Variants in TM4SF18 observed in about 807,000 individuals in gnomAD.
TM4SF18 encodes transmembrane 4 L six family member 18, also known as transmembrane 4 L6 family member 18.
TM4SF18 carries 22 observed loss-of-function variants against 23.8 expected under a neutral mutation model. The ratio of observed to expected loss-of-function variants is 0.92; its 90% CI spans 0.66 to 1.32. The LOEUF (loss-of-function observed/expected upper bound fraction) is 1.32, where lower values mean the gene tolerates loss of function less well. Among genes scored for constraint, TM4SF18 ranks in the 40% most tolerant of loss-of-function variants. The pLI is 0.00. For synonymous variants in TM4SF18, 87 were observed against 87.9 expected (o/e 0.99, Z 0.06); for missense variants, 255 against 240.3 (o/e 1.06, Z -0.41).
At position 149,333,086 on chromosome 3, in the gene TM4SF18, C is replaced by A. The variant is rs1210048194; in HGVS notation, c.177+120G>T. Reference sequence around the variant, plus strand: ...TGCCCCTTCACCCCCATCCCTCTTTCAAATCCTACACCCAAGATTAGCAGA... The same window carrying A: ...TGCCCCTTCACCCCCATCCCTCTTTAAAATCCTACACCCAAGATTAGCAGA... On this transcript the variant is annotated intron_variant, in intron 2 of 5. Coordinates refer to ENST00000296059, the MANE Select transcript of TM4SF18 (RefSeq NM_138786.4). The A allele has an allele frequency of 3.8e-6, 4 of 1,048,024 alleles. No homozygotes were observed. The African/African-American group carries it at 6.4e-5, about 17-fold the overall frequency. 64.9% of individuals were successfully genotyped at this position (1,048,024 alleles called of 1,614,324 possible).
intron 4 of TM4SF18, among the ~76,000 whole-genome samples, chr3:149,323,802 C>T (rs1239668972): frequency 6.6e-6 from 1 of 152,158 alleles, no homozygotes; most frequent in Non-Finnish European, 1.5e-5. Flanking sequence ...TAAGGTCTGA[C>T]TGCCTGTGGG....
At chr3:149,327,626 T>C (rs1049409481) in intron 3 of TM4SF18, among the ~76,000 whole-genome samples, 1 of 152,170 alleles carries the variant, frequency 6.6e-6, no homozygotes, top group Non-Finnish European at 1.5e-5. Flanking sequence ...AACCAATTGA[T>C]AATAAATTCA....
chr3:149,323,748 G>C (rs553194600), intron 4 of TM4SF18, among the ~76,000 whole-genome samples: 3 of 152,276 alleles, frequency 2.0e-5, no homozygotes, highest in Admixed American at 2.0e-4. Flanking sequence ...CATTGAAAAA[G>C]AGCAGAATAA....
intron 3 of TM4SF18, 124 bp from the exon 4 acceptor site, chr3:149,325,146 GC>G (rs1730911909): frequency 2.6e-6 from 2 of 777,296 alleles, no homozygotes; most frequent in African/African-American, 1.8e-5. Flanking sequence ...AATACTAAAT[GC>G]CCACATAGAA....
chr3:149,324,779 A>G (rs1559990471), intron 4 of TM4SF18, 101 bp downstream of exon 4: 2 of 1,498,710 alleles, frequency 1.3e-6, no homozygotes, highest in Non-Finnish European at 1.8e-6. Context: ...AAACAGCCAC[A>G]TGGAACCCCA....
intron 1 of TM4SF18, 29 bp downstream of exon 1, chr3:149,333,484 T>TTTTTA: frequency 7.9e-6 from 1 of 126,700 alleles, no homozygotes; most frequent in Non-Finnish European, 1.1e-5. Context: ...CTCTCTCTCT[T>TTTTTA]TTTTTTTTTT....
At chr3:149,321,973 A>G (rs1730817278) in intron 5 of TM4SF18, among the ~76,000 whole-genome samples, 1 of 152,336 alleles carries the variant, frequency 6.6e-6, no homozygotes, top group African/African-American at 2.4e-5. Flanking sequence ...AGTTATCTCT[A>G]TGTAGAACAC....
chr3:149,319,998 T>C lies in TM4SF18; in HGVS notation c.*1480A>G, dbSNP rs1730769756. ...AGGTCATGCGGTGTATAACATGGCT[T>C]GCTTTCAAGATGCTTGTTTCAGCAA... On this transcript the variant is annotated 3_prime_UTR_variant, in exon 6 of 6. Transcript: ENST00000296059. 2 of 152,282 alleles carry C rather than the reference T, an allele frequency of 1.3e-5. No homozygotes were observed. Among genetic ancestry groups the C allele is most frequent in the African/African-American group, 4.8e-5 (2 of 41,474 alleles). 9.4% of individuals were successfully genotyped at this position (152,282 alleles called of 1,614,324 possible).
At chr3:149,329,713 A>G (rs1183963373) in intron 3 of TM4SF18, among the ~76,000 whole-genome samples, 1 of 152,184 alleles carries the variant, frequency 6.6e-6, no homozygotes, top group Non-Finnish European at 1.5e-5. Context: ...TGTATTATTC[A>G]CCCTGATACT....
Position 149,330,407 on chromosome 3 carries a change from T to C in TM4SF18, c.190A>G (p.Thr64Ala). The C allele has an allele frequency of 6.2e-7, 1 of 1,602,918 alleles. No homozygotes were observed. Among genetic ancestry groups the C allele is most frequent in the South Asian group, 1.1e-5 (1 of 89,500 alleles). Residue 64 changes from threonine (T) to alanine (A), a missense_variant, in exon 3 of 6, where the codon ACA (threonine) becomes GCA (alanine). Coordinates refer to ENST00000296059, the MANE Select transcript of TM4SF18 (RefSeq NM_138786.4). ...CFSGIMMLIV[T>A]TVLLVLENNN... ...TTCTCCAGTACCAGAAGAACTGTTG[T>C]TACTATAAGCATCTATAGGAGGGAA...
chr3:149,333,075 C>T, intron 2 of TM4SF18, 131 bp downstream of exon 2: 9 of 898,546 alleles, frequency 1.0e-5, no homozygotes, highest in Non-Finnish European at 1.5e-5. Context: ...CCTTCACCCC[C>T]ATCCCTCTTT....
rs1225986005 is a variant in TM4SF18 at position 149,333,209 on chromosome 3, G to C, written c.174C>G (p.Ile58Met). The C allele has an allele frequency of 2.5e-6, 4 of 1,609,372 alleles. No homozygotes were observed. Among genetic ancestry groups the C allele is most frequent in the East Asian group, 2.2e-5 (1 of 44,790 alleles). Residue 58 changes from isoleucine to methionine, a missense_variant, in exon 2 of 6, where the codon ATC becomes ATG. Transcript: ENST00000296059. ...AAGTCTCCAAATTCATACTTACCAT[G>C]ATGCCTGAGAAACAGATTCCTTCAA... The part of the protein sequence containing the change: ...WYFEGICFSG[I>M]MMLIVTTVLL...
At chr3:149,333,482 CTTTT>C (rs1553772228) in intron 1 of TM4SF18, 27 bp downstream of exon 1, 47 of 237,456 alleles carry the variant, frequency 2.0e-4, no homozygotes, top group Middle Eastern at 1.1e-3. Flanking sequence ...CTCTCTCTCT[CTTTT>C]TTTTTTTTTT....
chr3:149,329,072 A>G (rs1272819261), intron 3 of TM4SF18, among the ~76,000 whole-genome samples: 1 of 151,616 alleles, frequency 6.6e-6, no homozygotes, highest in African/African-American at 2.4e-5. Flanking sequence ...CTATACCTGA[A>G]TTTATTATTT....
rs879201635 is a variant in TM4SF18, at chr3:149,330,439, A to T, written c.178-20T>A. 6.7e-7 allele frequency: 1 copy of T among 1,494,036 alleles called. No individual in the cohort carries two copies. The highest frequency in any genetic ancestry group is 9.2e-7 in the Non-Finnish European group (1 of 1,083,082). 92.5% of individuals were successfully genotyped at this position (1,494,036 alleles called of 1,614,324 possible). On this transcript the variant is annotated intron_variant, in intron 2 of 5. Transcript: ENST00000296059. Reference sequence around the variant, plus strand: ...AAGCATCTATAGGAGGGAAGACATAAAATGTTAGCAATGAAATGCTAGTTT... The same window carrying T: ...AAGCATCTATAGGAGGGAAGACATATAATGTTAGCAATGAAATGCTAGTTT...
Position 149,318,851 on chromosome 3 carries a change from T to G in TM4SF18, c.*2627A>C, listed in dbSNP as rs925302447. ...GTCTACATGTAATTATATGGTTACT[T>G]AATTAAAAATTTGGGCTCAAACTGC... On this transcript the variant is annotated 3_prime_UTR_variant, in exon 6 of 6. Coordinates refer to ENST00000296059, the MANE Select transcript of TM4SF18 (RefSeq NM_138786.4). 2.6e-5 allele frequency: 4 copies of G among 152,246 alleles called. No individual in the cohort carries two copies. Among genetic ancestry groups the G allele is most frequent in the African/African-American group, 4.8e-5 (2 of 41,464 alleles). The allele number at this position is 152,246 out of a possible 1,614,324, so 9.4% of individuals were successfully genotyped here.
rs370608915 is a variant in TM4SF18, at chr3:149,322,350, A to G, written c.497T>C (p.Ile166Thr). 39 of 1,613,972 alleles carry G rather than the reference A, an allele frequency of 2.4e-5. No homozygotes were observed. The highest frequency in any genetic ancestry group is 2.8e-5 in the Non-Finnish European group (33 of 1,180,002). ...GATCACTTGAAGCCCACTGAGGGTT[A>G]TGAGAATGGAAAATAAAATGATGTT... ...EWNIILFSILITLSGLQVIIC... is the reference protein window; with the variant it reads ...EWNIILFSILTTLSGLQVIIC... Residue 166 changes from isoleucine (I) to threonine (T), a missense_variant, in exon 5 of 6, where the codon ATA becomes ACA. By Grantham distance (89) the Ile-to-Thr change is moderately conservative. Coordinates refer to ENST00000296059, the MANE Select transcript of TM4SF18 (RefSeq NM_138786.4).
At position 149,333,602 on chromosome 3, in the gene TM4SF18, C is replaced by T; in HGVS notation, c.-107G>A. ...CAGCCGACAATCTCAGTGTGAAATA[C>T]TGGTTTACTGTTTGGAGAACAATAG... On this transcript the variant is annotated 5_prime_UTR_variant, in exon 1 of 6. Transcript: ENST00000296059. 2.4e-6 allele frequency: 1 copy of T among 413,906 alleles called. No homozygotes were observed. 25.6% of individuals were successfully genotyped at this position (413,906 alleles called of 1,614,324 possible).
chr3:149,333,127 T>C (rs921996960), intron 2 of TM4SF18, 79 bp downstream of exon 2: 14 of 1,319,966 alleles, frequency 1.1e-5, no homozygotes, highest in African/African-American at 1.5e-5. Context: ...TTTTCCATTA[T>C]TCATTACTTC....
Sources: gnomAD v4.1 joint callset for allele counts (sites outside exome capture counted in the v4.1 genomes callset) on GRCh38, gnomAD v4.1.1 for gene constraint, MANE v1.5 for transcripts, NCBI Gene and HGNC (gene_info 2026-07-23, HGNC 2026-07-21) for gene names.